Variants in MAPKAPK2 observed in about 807,000 individuals in gnomAD.
MAPKAPK2 encodes MAPK activated protein kinase 2.
Under a neutral mutation model 48.8 loss-of-function variants are expected in MAPKAPK2, and 9 were observed. The ratio of observed to expected loss-of-function variants is 0.18; its 90% CI spans 0.11 to 0.32. The LOEUF (loss-of-function observed/expected upper bound fraction) is 0.32. MAPKAPK2 is among the 10% of genes least tolerant of loss of function. The pLI is 1.00. For missense variants in MAPKAPK2, 331 were observed against 498.3 expected (o/e 0.66, Z 3.20); for synonymous variants, 202 against 190.6 (o/e 1.06, Z -0.49).
chr1:206,728,979 T>C (rs1021663491), intron 2 of MAPKAPK2, 56 bp from the exon 3 acceptor site: 25 of 1,610,546 alleles, frequency 1.6e-5, no homozygotes, highest in Non-Finnish European at 2.0e-5. Context: ...TGGGGGGCAG[T>C]GGAGAGTGGC....
chr1:206,725,360 C>T (rs2102410565), intron 1 of MAPKAPK2, among the ~76,000 whole-genome samples: 1 of 152,292 alleles, frequency 6.6e-6, no homozygotes, highest in Middle Eastern at 3.4e-3. Flanking sequence ...GACAGAAACC[C>T]AGCCTACAAT....
chr1:206,728,372 A>T (rs578047621), intron 1 of MAPKAPK2, among the ~76,000 whole-genome samples: 56 of 151,984 alleles, frequency 3.7e-4, no homozygotes, highest in South Asian at 1.0e-3. Context: ...TTCTCCCCGA[A>T]GCCCCTTCAC....
At position 206,685,157 on chromosome 1, in the gene MAPKAPK2, G is replaced by C; in HGVS notation, c.-73G>C. 1 of 245,312 alleles carries C rather than the reference G, an allele frequency of 4.1e-6. No individual in the cohort carries two copies. The highest frequency in any genetic ancestry group is 7.6e-6 in the Non-Finnish European group (1 of 131,868). 15.2% of individuals were successfully genotyped at this position (245,312 alleles called of 1,614,324 possible). A position where few individuals can be genotyped will look rare whatever the true frequency, so the allele number is the denominator to read the frequency against. On this transcript the variant is annotated 5_prime_UTR_variant, in exon 1 of 10. Transcript: ENST00000367103. ...CTTCGCAGCCCGTCGGGGGGCGGCGGGGAGGGGGCCCGGAGCCGGAGGAGG... is the reference window on the plus strand; with the variant it reads ...CTTCGCAGCCCGTCGGGGGGCGGCGCGGAGGGGGCCCGGAGCCGGAGGAGG...
At chr1:206,728,140 G>A (rs1041501903) in intron 1 of MAPKAPK2, among the ~76,000 whole-genome samples, 2 of 152,166 alleles carry the variant, frequency 1.3e-5, no homozygotes, top group Admixed American at 1.3e-4. Flanking sequence ...ACTTGCTCAA[G>A]CTTGGAAATC....
chr1:206,731,393 C>T lies in MAPKAPK2; in HGVS notation c.892+131C>T. 4.7e-6 allele frequency: 7 copies of T among 1,492,462 alleles called. No individual in the cohort carries two copies. Among genetic ancestry groups the T allele is most frequent in the Non-Finnish European group, 5.4e-6 (6 of 1,107,370 alleles). The allele number at this position is 1,492,462 out of a possible 1,614,324, so 92.5% of individuals were successfully genotyped here. ...GTGTAACTGTGGGTTAGCACCTATGCCCACGCCTGCGGGGTGCGTCCTGCT... is the reference window on the plus strand; with the variant it reads ...GTGTAACTGTGGGTTAGCACCTATGTCCACGCCTGCGGGGTGCGTCCTGCT... On this transcript the variant is annotated intron_variant, in intron 7 of 9. Transcript: ENST00000367103. The surrounding 1 kb of genome is among the most constrained non-coding windows in gnomAD (Gnocchi z 5.9).
At chr1:206,711,316 C>G (rs539314269) in intron 1 of MAPKAPK2, among the ~76,000 whole-genome samples, 1 of 152,352 alleles carries the variant, frequency 6.6e-6, no homozygotes, top group East Asian at 1.9e-4. Context: ...GTGGCGCTAT[C>G]TCAGCCCACT....
chr1:206,722,578 TGAGGAAGAGGAG>T (rs1482601993), intron 1 of MAPKAPK2, among the ~76,000 whole-genome samples: 1 of 152,152 alleles, frequency 6.6e-6, no homozygotes, highest in African/African-American at 2.4e-5. Flanking sequence ...TTGAGTAGGC[TGAGGAAGAGGAG>T]GAGGAAGAGG....
chr1:206,687,748 A>C (rs1211018293), intron 1 of MAPKAPK2, among the ~76,000 whole-genome samples: 1 of 152,220 alleles, frequency 6.6e-6, no homozygotes, highest in African/African-American at 2.4e-5. Flanking sequence ...TCAAAACCAG[A>C]AGTCTAGTGA....
intron 1 of MAPKAPK2, among the ~76,000 whole-genome samples, chr1:206,700,639 G>A (rs1672768117): frequency 6.6e-6 from 1 of 152,236 alleles, no homozygotes; most frequent in African/African-American, 2.4e-5. Context: ...CAAGAAGCCA[G>A]TTGTGTTTGG....
At chr1:206,691,693 A>G (rs1308781322) in intron 1 of MAPKAPK2, among the ~76,000 whole-genome samples, 2 of 151,984 alleles carry the variant, frequency 1.3e-5, no homozygotes, top group Non-Finnish European at 2.9e-5. Context: ...GGTCGGCTCG[A>G]GCAGCTCCTG....
intron 1 of MAPKAPK2, among the ~76,000 whole-genome samples, chr1:206,699,523 G>A (rs1222440717): frequency 6.6e-6 from 1 of 152,204 alleles, no homozygotes; most frequent in Non-Finnish European, 1.5e-5. Flanking sequence ...GCCTCTCCAG[G>A]AATCTGGTAA....
chr1:206,713,087 C>T (rs1326378601), intron 1 of MAPKAPK2, among the ~76,000 whole-genome samples: 3 of 151,906 alleles, frequency 2.0e-5, no homozygotes, highest in East Asian at 1.9e-4. Context: ...TGCCATGTAC[C>T]GGGTCTAGGA....
chr1:206,686,064 G>A (rs113849901), intron 1 of MAPKAPK2, among the ~76,000 whole-genome samples: 1 of 152,146 alleles, frequency 6.6e-6, no homozygotes, highest in Non-Finnish European at 1.5e-5. Context: ...GGGGCGCGCC[G>A]GGCAGGAGGT....
Position 206,734,232 on chromosome 1 carries a change from C to T in MAPKAPK2, c.*1514C>T, listed in dbSNP as rs1205084846. On this transcript the variant is annotated 3_prime_UTR_variant, in exon 10 of 10. Transcript: ENST00000367103. ...GTGTCCAGCACTCGATTGTTGTAAA[C>T]TGTTGTTTTGTATGAGCGAAATTGT... 6.5e-6 allele frequency: 1 copy of T among 152,830 alleles called. No homozygotes were observed. The highest frequency in any genetic ancestry group is 2.4e-5 in the African/African-American group (1 of 41,458). The allele number at this position is 152,830 out of a possible 1,614,324, so 9.5% of individuals were successfully genotyped here.
At chr1:206,722,078 A>T (rs1477966729) in intron 1 of MAPKAPK2, among the ~76,000 whole-genome samples, 2 of 150,832 alleles carry the variant, frequency 1.3e-5, no homozygotes, top group Non-Finnish European at 3.0e-5. Flanking sequence ...AAAAAAAAAA[A>T]GGCCAGGCAC....
chr1:206,713,894 G>C lies in MAPKAPK2; in HGVS notation c.280-14816G>C, dbSNP rs182459610. ...AAGAGAAAGCACACAAGAGAAAAGG[G>C]GCTGCAACCCAGTAAGCGATAGCAG... On this transcript the variant is annotated intron_variant, in intron 1 of 9. Coordinates refer to ENST00000367103, the MANE Select transcript of MAPKAPK2 (RefSeq NM_032960.4). Among the ~76,000 whole-genome samples, 46 of 152,142 alleles carry C rather than the reference G, an allele frequency of 3.0e-4. No homozygotes were observed. In the East Asian group the frequency reaches 7.7e-3, roughly 26 times the overall value.
chr1:206,722,065 CAA>C (rs11431719), intron 1 of MAPKAPK2, among the ~76,000 whole-genome samples: 4 of 125,864 alleles, frequency 3.2e-5, no homozygotes, highest in Non-Finnish European at 3.4e-5. Context: ...AACTCTATTT[CAA>C]AAAAAAAAAA....
chr1:206,711,228 T>A (rs1160439692), intron 1 of MAPKAPK2, among the ~76,000 whole-genome samples: 1 of 152,248 alleles, frequency 6.6e-6, no homozygotes, highest in Non-Finnish European at 1.5e-5. Flanking sequence ...CAACTTGCTT[T>A]TTTCATGGAA....
At chr1:206,730,410 G>A (rs2102415960) in intron 5 of MAPKAPK2, among the ~76,000 whole-genome samples, 1 of 152,362 alleles carries the variant, frequency 6.6e-6, no homozygotes, top group East Asian at 1.9e-4. Context: ...TTCAAAGCAT[G>A]TTCAGAGCAT....
Sources: gnomAD v4.1 joint callset for allele counts (sites outside exome capture counted in the v4.1 genomes callset) on GRCh38, gnomAD v4.1.1 for gene constraint, Gnocchi (gnomAD v3.1) non-coding constraint, MANE v1.5 for transcripts, NCBI Gene and HGNC (gene_info 2026-07-23, HGNC 2026-07-21) for gene names.